ACOT7: variants seen among roughly 807,000 people sequenced by gnomAD.
The protein encoded by ACOT7 is acyl-CoA thioesterase 7, also known as cytosolic acyl coenzyme A thioester hydrolase.
ACOT7 carries 12 observed loss-of-function variants against 40.2 expected under a neutral mutation model. That is an observed-to-expected ratio of 0.30 (90% confidence interval 0.19 to 0.48). The LOEUF (loss-of-function observed/expected upper bound fraction) is 0.48, where lower values mean the gene tolerates loss of function less well. ACOT7 is among the 20% of genes least tolerant of loss of function. The pLI, the probability that ACOT7 is intolerant of heterozygous loss-of-function variation, is 0.99. For synonymous variants in ACOT7, 228 were observed against 219.5 expected, an observed-to-expected ratio of 1.04 and a Z score of -0.34; for missense variants, 395 against 530.8, an observed-to-expected ratio of 0.74 and a Z score of 2.51.
intron 6 of ACOT7, among the ~76,000 whole-genome samples, chr1:6,302,367 T>C (rs1295809515): frequency 3.3e-5 from 5 of 152,094 alleles, no homozygotes; most frequent in Non-Finnish European, 5.9e-5. Context: ...ATAACCTTTC[T>C]CGGGGAAACA....
At chr1:6,370,547 T>TG (rs1309296277) in intron 1 of ACOT7, among the ~76,000 whole-genome samples, 1 of 150,902 alleles carries the variant, frequency 6.6e-6, no homozygotes, top group East Asian at 1.9e-4. Flanking sequence ...TGGAGTGCAG[T>TG]GGTGCGATCT....
intron 1 of ACOT7, among the ~76,000 whole-genome samples, chr1:6,370,048 A>G (rs994564483): frequency 6.6e-6 from 1 of 152,206 alleles, no homozygotes; most frequent in Non-Finnish European, 1.5e-5. Flanking sequence ...TTTGGGTCAC[A>G]GGATGGATCC....
At chr1:6,392,002 A>T (rs548694685) in intron 1 of ACOT7, among the ~76,000 whole-genome samples, 1 of 151,710 alleles carries the variant, frequency 6.6e-6, no homozygotes, top group Non-Finnish European at 1.5e-5. Flanking sequence ...ACAGCCACAG[A>T]GCCAAAGTCA....
chr1:6,308,798 A>T (rs557479952), intron 6 of ACOT7, among the ~76,000 whole-genome samples: 12 of 151,938 alleles, frequency 7.9e-5, no homozygotes, highest in Admixed American at 6.6e-4. Flanking sequence ...TGGAAGGAAA[A>T]GCGACTGGGC....
intron 1 of ACOT7, among the ~76,000 whole-genome samples, chr1:6,372,130 C>T (rs778452181): frequency 5.9e-5 from 9 of 152,082 alleles, no homozygotes; most frequent in Non-Finnish European, 1.2e-4. Context: ...GCAGCTTCTC[C>T]AGCAGCACCT....
chr1:6,285,197 C>A (rs1464792739), intron 7 of ACOT7, among the ~76,000 whole-genome samples: 1 of 152,178 alleles, frequency 6.6e-6, no homozygotes, highest in Non-Finnish European at 1.5e-5. Flanking sequence ...CACATGTGGA[C>A]ACCAGGTCAC....
intron 1 of ACOT7, among the ~76,000 whole-genome samples, chr1:6,381,113 A>G (rs1467659437): frequency 6.6e-6 from 1 of 151,908 alleles, no homozygotes; most frequent in African/African-American, 2.4e-5. Flanking sequence ...ATTATGTGTC[A>G]AAAACAATAG....
At chr1:6,379,876 C>T (rs565617484) in intron 1 of ACOT7, among the ~76,000 whole-genome samples, 3 of 151,412 alleles carry the variant, frequency 2.0e-5, no homozygotes, top group Non-Finnish European at 4.4e-5. Flanking sequence ...GCCTGGCCAA[C>T]GTGTTGAAAC....
At chr1:6,327,267 T>C (rs2076479) in intron 5 of ACOT7, 32 bp downstream of exon 5, 53,098 of 1,607,114 alleles carry the variant, frequency 0.033, 3,979 homozygotes, top group African/African-American at 0.3. Context: ...CGGTGAGGAG[T>C]GGCACCTGCT....
At chr1:6,329,077 G>A (rs1244038657) in intron 4 of ACOT7, among the ~76,000 whole-genome samples, 3 of 152,262 alleles carry the variant, frequency 2.0e-5, no homozygotes, top group East Asian at 1.9e-4. Context: ...CCCCTCGGCC[G>A]CCTGTTGAAG....
intron 2 of ACOT7, among the ~76,000 whole-genome samples, chr1:6,347,780 C>T (rs1191723764): frequency 2.0e-5 from 3 of 149,982 alleles, no homozygotes; most frequent in Admixed American, 6.6e-5. Context: ...AAAAAAAAAA[C>T]AAGACAAGAA....
At chr1:6,325,874 A>G (rs1640785430) in intron 5 of ACOT7, among the ~76,000 whole-genome samples, 2 of 152,236 alleles carry the variant, frequency 1.3e-5, no homozygotes, top group South Asian at 4.1e-4. Flanking sequence ...AGCAGGGGCC[A>G]GGGCGCCTCT....
In ACOT7 at chr1:6,355,066, G is replaced by A. The variant is rs139779408; in HGVS notation, c.144-5200C>T. Among the ~76,000 whole-genome samples, 49 of 152,162 alleles carry A rather than the reference G, an allele frequency of 3.2e-4. No individual in the cohort carries two copies. Among genetic ancestry groups the A allele is most frequent in the Admixed American group, 1.3e-3 (20 of 15,288 alleles). On this transcript the variant is annotated intron_variant, in intron 1 of 8. Coordinates refer to ENST00000361521, the MANE Select transcript of ACOT7 (RefSeq NM_007274.4). This position sits in a 1 kb window ranked among gnomAD's most constrained non-coding sequence, Gnocchi z 5.0. ...TCCGCCTCAACTCTCACTGCCCTGC[G>A]GGGCTCCGACCTGCACCTGCCAGAG...
intron 1 of ACOT7, chr1:6,360,541 C>T (rs1453626584): frequency 6.2e-7 from 1 of 1,613,770 alleles, no homozygotes; most frequent in East Asian, 2.2e-5. Context: ...CCCCAAATAG[C>T]CCATAGTTCC....
At chr1:6,346,791 T>C (rs1641438119) in intron 2 of ACOT7, among the ~76,000 whole-genome samples, 2 of 152,122 alleles carry the variant, frequency 1.3e-5, no homozygotes, top group African/African-American at 4.8e-5. Context: ...GGGGTGGGCC[T>C]GGGGGTTGTG....
chr1:6,382,928 G>C (rs1325693416), intron 1 of ACOT7, among the ~76,000 whole-genome samples: 1 of 151,512 alleles, frequency 6.6e-6, no homozygotes, highest in African/African-American at 2.4e-5. Flanking sequence ...ACCCAGGTTG[G>C]AGTGCAATGT....
Position 6,391,169 on chromosome 1 carries a change from G to A in ACOT7, c.143+2088C>T, listed in dbSNP as rs180675928. ...AAATTAGCTGGGCGTGGTGGCGCACGCCTGTAGTCCCAGCTACTCAGGAGG... is the reference window on the plus strand; with the variant it reads ...AAATTAGCTGGGCGTGGTGGCGCACACCTGTAGTCCCAGCTACTCAGGAGG... On this transcript the variant is annotated intron_variant, in intron 1 of 8. Transcript: ENST00000361521. Among the ~76,000 whole-genome samples, 75 of 144,818 alleles carry A rather than the reference G, an allele frequency of 5.2e-4. No individual in the cohort carries two copies. The Middle Eastern group carries it at 0.012, about 23-fold the overall frequency.
Position 6,330,514 on chromosome 1 carries a change from G to A in ACOT7, c.510+2963C>T, listed in dbSNP as rs907755592. Among the ~76,000 whole-genome samples the A allele has an allele frequency of 3.3e-5, 5 of 152,194 alleles. No individual in the cohort carries two copies. Among genetic ancestry groups the A allele is most frequent in the African/African-American group, 1.2e-4 (5 of 41,448 alleles). ...GCGGCTCCGGCTGCCTCGGAGCCAT[G>A]GAATGGTTTCAACAACTCCTCGACA... is the stretch of plus-strand genomic sequence containing the variant. On this transcript the variant is annotated intron_variant, in intron 4 of 8. Coordinates refer to ENST00000361521, the MANE Select transcript of ACOT7 (RefSeq NM_007274.4). The surrounding 1 kb of genome is among the most constrained non-coding windows in gnomAD (Gnocchi z 4.6).
At chr1:6,271,131 G>A (rs1054092709) in intron 8 of ACOT7, among the ~76,000 whole-genome samples, 3 of 152,210 alleles carry the variant, frequency 2.0e-5, no homozygotes, top group African/African-American at 7.2e-5. Context: ...TCTTCCACTG[G>A]AGGGGAAGCC....
Sources: gnomAD v4.1 joint callset for allele counts (sites outside exome capture counted in the v4.1 genomes callset) on GRCh38, gnomAD v4.1.1 for gene constraint, Gnocchi (gnomAD v3.1) non-coding constraint, MANE v1.5 for transcripts, NCBI Gene and HGNC (gene_info 2026-07-23, HGNC 2026-07-21) for gene names.